Variants in CEP76 observed in about 807,000 individuals in gnomAD.
The protein encoded by CEP76 is centrosomal protein 76.
CEP76 carries 55 observed loss-of-function variants against 83.3 expected under a neutral mutation model. The observed-to-expected ratio is 0.66, with a 90% CI of 0.53 to 0.83. CEP76 has a LOEUF of 0.83. Among genes scored for constraint, CEP76 ranks in the 40% least tolerant of loss-of-function variants. The probability of loss-of-function intolerance (pLI) is 0.00; values close to 1 mark genes in which losing one functional copy is unlikely to be tolerated. For missense variants in CEP76, 694 were observed against 799.5 expected (o/e 0.87, Z 1.59); for synonymous variants, 270 against 274.5 (o/e 0.98, Z 0.16).
Position 12,697,326 on chromosome 18 carries a change from T to C in CEP76, c.603A>G (p.Ile201Met). 1 of 1,613,900 alleles carries C rather than the reference T, an allele frequency of 6.2e-7. No individual in the cohort carries two copies. The highest frequency in any genetic ancestry group is 8.5e-7 in the Non-Finnish European group (1 of 1,179,850). ...PIHMVLIKTD[I>M]FGETTLVASY... Reference sequence around the variant, plus strand: ...ATGCTACTAAAGTCGTCTCACCAAATATGTCTGTTTTGATTAGCACCATAT... The same window carrying C: ...ATGCTACTAAAGTCGTCTCACCAAACATGTCTGTTTTGATTAGCACCATAT... The change falls in exon 5 of 12, where the codon ATA (isoleucine) becomes ATG (methionine). Residue 201 changes from isoleucine (I) to methionine (M), a missense_variant. Coordinates refer to ENST00000262127, the MANE Select transcript of CEP76 (RefSeq NM_024899.4).
chr18:12,665,591 G>A (rs1310733368), intron 12 of CEP76, among the ~76,000 whole-genome samples: 1 of 152,150 alleles, frequency 6.6e-6, no homozygotes, highest in Non-Finnish European at 1.5e-5. Flanking sequence ...TCCTTCTTAA[G>A]AGATGTTGGA....
At chr18:12,686,781 C>G (rs1373248656) in intron 7 of CEP76, 1 of 177,642 alleles carries the variant, frequency 5.6e-6, no homozygotes, top group Admixed American at 5.7e-5. Context: ...GAGAGGTGCT[C>G]TAAGCTGAAG....
chr18:12,681,996 TAAAAAAAA>T, intron 8 of CEP76, among the ~76,000 whole-genome samples: 2 of 136,212 alleles, frequency 1.5e-5, no homozygotes, highest in Middle Eastern at 7.2e-3. Context: ...ACTCTGTCTC[TAAAAAAAA>T]AAAGAAAAAA....
At chr18:12,690,478 C>A (rs915885501) in intron 7 of CEP76, among the ~76,000 whole-genome samples, 3 of 149,818 alleles carry the variant, frequency 2.0e-5, no homozygotes, top group Non-Finnish European at 3.0e-5. Context: ...TTTTTTGAGA[C>A]GGAGTCTTGC....
At chr18:12,674,441 TAAA>T (rs34769779) in intron 11 of CEP76, 92 bp downstream of exon 11, 19,268 of 696,122 alleles carry the variant, frequency 0.028, no homozygotes, top group South Asian at 0.04. Context: ...GACCTTGAGT[TAAA>T]AAAAAAAAAA....
chr18:12,662,725 C>T (rs939155593), intron 12 of CEP76, among the ~76,000 whole-genome samples: 3 of 152,042 alleles, frequency 2.0e-5, no homozygotes, highest in Admixed American at 6.6e-5. Context: ...TGCAGTGAGC[C>T]GAGATCATGC....
chr18:12,688,001 T>C lies in CEP76; in HGVS notation c.934-1551A>G, dbSNP rs551815902. ...GCTCACGCCTGTAATCCCAGCACTT[T>C]GGGAGGCCAAGGTGGGTGGATCACG... On this transcript the variant is annotated intron_variant, in intron 7 of 11. Transcript: ENST00000262127. Among the ~76,000 whole-genome samples the C allele has an allele frequency of 5.3e-5, 8 of 152,026 alleles. No homozygotes were observed. The East Asian group carries it at 1.4e-3, about 26-fold the overall frequency.
chr18:12,676,769 G>C (rs1277616100), intron 10 of CEP76, among the ~76,000 whole-genome samples: 1 of 152,122 alleles, frequency 6.6e-6, no homozygotes, highest in Admixed American at 6.6e-5. Context: ...CAAAATGTAT[G>C]TTTAAATGCT....
chr18:12,689,876 G>A (rs967508512), intron 7 of CEP76, among the ~76,000 whole-genome samples: 2 of 152,090 alleles, frequency 1.3e-5, no homozygotes, highest in East Asian at 3.9e-4. Flanking sequence ...TGCAACCTCC[G>A]CCTCCCGGGT....
intron 7 of CEP76, among the ~76,000 whole-genome samples, chr18:12,687,801 G>A (rs945618598): frequency 2.0e-5 from 3 of 151,780 alleles, no homozygotes; most frequent in African/African-American, 7.3e-5. Flanking sequence ...TAATTTTGGG[G>A]GGATGTAGAG....
intron 12 of CEP76, among the ~76,000 whole-genome samples, chr18:12,665,690 TAAA>T (rs796341381): frequency 3.9e-5 from 6 of 152,214 alleles, no homozygotes; most frequent in Non-Finnish European, 7.3e-5. Context: ...ACAAACTTCT[TAAA>T]AATTTTTTTT....
chr18:12,699,017 T>G lies in CEP76; in HGVS notation c.482A>C (p.His161Pro). The G allele has an allele frequency of 6.2e-7, 1 of 1,613,776 alleles. No individual in the cohort carries two copies. Among genetic ancestry groups the G allele is most frequent in the Non-Finnish European group, 8.5e-7 (1 of 1,179,760 alleles). ...PVPCACEPDF[H>P]DGFLLEVHRE... Reference sequence around the variant, plus strand: ...GTGTACTTCAAGTAAAAAGCCATCATGAAAATCTGGTTCACAGGCACATGG... The same window carrying G: ...GTGTACTTCAAGTAAAAAGCCATCAGGAAAATCTGGTTCACAGGCACATGG... Residue 161 changes from histidine (H) to proline (P), a missense_variant, in exon 4 of 12, where the codon CAT becomes CCT. His to Pro is a moderately conservative substitution (Grantham distance 77). Transcript: ENST00000262127.
Position 12,662,402 on chromosome 18 carries a change from G to A in CEP76, c.*1728-233C>T, listed in dbSNP as rs148730167. Among the ~76,000 whole-genome samples, 70 of 152,306 alleles carry A rather than the reference G, an allele frequency of 4.6e-4. No homozygotes were observed. In the East Asian group the frequency reaches 0.013, roughly 29 times the overall value. The stretch of plus-strand genomic sequence containing the variant: ...ACAGAAGCAGTAAATGAAACAGTTG[G>A]TACTGGAATTCAGGCCTCCTGACCA... On this transcript the variant is annotated intron_variant and NMD_transcript_variant, in intron 12 of 12. Transcript: ENST00000590143.
chr18:12,693,731 C>T (rs1268816034), intron 6 of CEP76, among the ~76,000 whole-genome samples: 2 of 152,014 alleles, frequency 1.3e-5, no homozygotes, highest in African/African-American at 4.8e-5. Context: ...TGCAGTGAGC[C>T]AAGATTGCGC....
intron 10 of CEP76, among the ~76,000 whole-genome samples, chr18:12,677,492 G>C (rs1278568076): frequency 7.2e-6 from 1 of 138,274 alleles, no homozygotes; most frequent in East Asian, 2.2e-4. Flanking sequence ...AAAGAGGTTT[G>C]ATCTCAAAAG....
At chr18:12,689,421 G>A (rs1598644139) in intron 7 of CEP76, among the ~76,000 whole-genome samples, 1 of 152,210 alleles carries the variant, frequency 6.6e-6, no homozygotes, top group South Asian at 2.1e-4. Flanking sequence ...CTGAGTTGCT[G>A]TTTGGCCTTG....
chr18:12,696,659 T>C (rs2039968321), intron 5 of CEP76, among the ~76,000 whole-genome samples: 1 of 152,196 alleles, frequency 6.6e-6, no homozygotes, highest in Non-Finnish European at 1.5e-5. Flanking sequence ...TTAGCAAGTA[T>C]GTGTTACATA....
intron 12 of CEP76, among the ~76,000 whole-genome samples, chr18:12,667,186 C>A (rs1271381354): frequency 6.6e-6 from 1 of 152,126 alleles, no homozygotes; most frequent in African/African-American, 2.4e-5. Context: ...TTGGGCTGGG[C>A]ATGGTGGCTC....
intron 10 of CEP76, among the ~76,000 whole-genome samples, chr18:12,675,101 C>T (rs962527560): frequency 6.1e-5 from 7 of 115,620 alleles, no homozygotes; most frequent in Admixed American, 5.8e-4. Context: ...TTTTACTTAA[C>T]TTTAAAGAGT....
Sources: gnomAD v4.1 joint callset for allele counts (sites outside exome capture counted in the v4.1 genomes callset) on GRCh38, gnomAD v4.1.1 for gene constraint, MANE v1.5 for transcripts, NCBI Gene and HGNC (gene_info 2026-07-23, HGNC 2026-07-21) for gene names.